PPP1R21: variants seen among roughly 807,000 people sequenced by gnomAD.
PPP1R21 encodes the protein protein phosphatase 1 regulatory subunit 21, also known as KLRAQ motif containing 1.
In PPP1R21, 85 loss-of-function variants were observed where a neutral mutation model predicts 112.8. The ratio of observed to expected loss-of-function variants is 0.75; its 90% CI spans 0.63 to 0.90. The LOEUF (loss-of-function observed/expected upper bound fraction) is 0.90. Ranked by LOEUF, PPP1R21 falls within the 40% of genes least tolerant of loss-of-function variation. The probability of loss-of-function intolerance (pLI) is 0.00; values close to 1 mark genes in which losing one functional copy is unlikely to be tolerated. For missense variants in PPP1R21, 1,199 were observed against 901.5 expected (o/e 1.33, Z -4.23); for synonymous variants, 381 against 322.3 (o/e 1.18, Z -1.95).
intron 1 of PPP1R21, among the ~76,000 whole-genome samples, chr2:48,446,210 A>G (rs1229903081): frequency 1.3e-5 from 2 of 152,240 alleles, no homozygotes; most frequent in African/African-American, 4.8e-5. Flanking sequence ...CACTTTCCCC[A>G]AAAACTCTTC....
At chr2:48,453,643 AC>A (rs1357196898) in intron 2 of PPP1R21, among the ~76,000 whole-genome samples, 1 of 152,214 alleles carries the variant, frequency 6.6e-6, no homozygotes. Context: ...CCATTTTCAT[AC>A]CCCATTATGG....
chr2:48,502,049 A>C (rs1670142087), intron 17 of PPP1R21: 1 of 152,174 alleles, frequency 6.6e-6, no homozygotes, highest in Non-Finnish European at 1.5e-5. Context: ...TGAGTTGTTA[A>C]TGTCAGTTGC....
chr2:48,459,709 T>A (rs1173154920), intron 4 of PPP1R21, 45 bp from the exon 5 acceptor site: 1 of 1,577,120 alleles, frequency 6.3e-7, no homozygotes, highest in East Asian at 2.2e-5. Flanking sequence ...CTCATTTATG[T>A]ATATTAGGAT....
chr2:48,454,650 G>C lies in PPP1R21; in HGVS notation c.182G>C (p.Ser61Thr), dbSNP rs373679922. The C allele has an allele frequency of 3.0e-5, 48 of 1,613,722 alleles. No individual in the cohort carries two copies. Among genetic ancestry groups the C allele is most frequent in the Non-Finnish European group, 4.1e-5 (48 of 1,179,716 alleles). Residue 61 changes from serine (S) to threonine (T), a missense_variant, in exon 3 of 22, where the codon AGT becomes ACT. Physicochemically the swap from Ser to Thr is moderately conservative, Grantham distance 58. Transcript: ENST00000294952. ...SLRKLQQEMD[S>T]LTFRNLQLAK... ...AGAAAACTACAACAGGAAATGGACAGTTTGACATTTCGAAATCTGCAGCTT... is the reference window on the plus strand; with the variant it reads ...AGAAAACTACAACAGGAAATGGACACTTTGACATTTCGAAATCTGCAGCTT...
chr2:48,483,662 A>T (rs1254151736), intron 13 of PPP1R21, among the ~76,000 whole-genome samples: 1 of 152,200 alleles, frequency 6.6e-6, no homozygotes, highest in East Asian at 1.9e-4. Flanking sequence ...CTTGTAATGC[A>T]CAATGAGAAA....
intron 15 of PPP1R21, among the ~76,000 whole-genome samples, chr2:48,493,744 A>C (rs1266514211): frequency 1.3e-5 from 2 of 152,080 alleles, no homozygotes; most frequent in Non-Finnish European, 2.9e-5. Context: ...TCTTTTCTCC[A>C]TTCAGTTAGA....
intron 2 of PPP1R21, among the ~76,000 whole-genome samples, chr2:48,451,791 CTT>C (rs146803946): frequency 0.019 from 2,878 of 152,314 alleles, 57 homozygotes; most frequent in African/African-American, 0.048. Flanking sequence ...CCTCTGCTCT[CTT>C]TAGACAGATG....
intron 13 of PPP1R21, among the ~76,000 whole-genome samples, chr2:48,482,450 G>A (rs1211658395): frequency 6.6e-6 from 1 of 152,156 alleles, no homozygotes; most frequent in East Asian, 1.9e-4. Flanking sequence ...TGCTCTGGAA[G>A]GAATGTGTAA....
At position 48,474,701 on chromosome 2, in the gene PPP1R21, A is replaced by G. The variant is rs1217887549; in HGVS notation, c.1107A>G (p.Glu369=). Residue 369 remains glutamate (E), a synonymous_variant, in exon 12 of 22, where the codon GAA becomes GAG. Transcript: ENST00000294952. ...YQLKSLEEEC[E]SSLCTSALRA... is the part of the protein sequence containing the mutation. ...TTCCTAGTTTAGAAGAAGAATGTGA[A>G]TCCTCTCTTTGCACATCTGCGTTAA... is the stretch of plus-strand genomic sequence containing the variant. 8 of 1,607,550 alleles carry G rather than the reference A, an allele frequency of 5.0e-6. No homozygotes were observed. The highest frequency in any genetic ancestry group is 2.2e-5 in the East Asian group (1 of 44,520).
At chr2:48,483,195 CTTTTTTTTTTTT>C (rs755036470) in intron 13 of PPP1R21, among the ~76,000 whole-genome samples, 3 of 80,914 alleles carry the variant, frequency 3.7e-5, no homozygotes, top group African/African-American at 1.5e-4. Context: ...CTTTTTTTTC[CTTTTTTTTTTTT>C]TTTTTTTTTT....
At chr2:48,493,011 C>CTTTTTTT (rs746795481) in intron 15 of PPP1R21, among the ~76,000 whole-genome samples, 23 of 96,660 alleles carry the variant, frequency 2.4e-4, no homozygotes, top group South Asian at 3.6e-4. Flanking sequence ...GGTCATTTAC[C>CTTTTTTT]TTTTTTTTTT....
chr2:48,459,305 AG>A (rs536021893), intron 4 of PPP1R21, among the ~76,000 whole-genome samples: 104 of 152,162 alleles, frequency 6.8e-4, no homozygotes, highest in Non-Finnish European at 7.6e-4. Context: ...TACAGGAAAG[AG>A]CTTTACCTGT....
chr2:48,478,712 A>C (rs1329778593), intron 12 of PPP1R21, among the ~76,000 whole-genome samples: 1 of 152,096 alleles, frequency 6.6e-6, no homozygotes, highest in East Asian at 1.9e-4. Flanking sequence ...CTTCTTAGCT[A>C]TTTCTGTTTC....
intron 12 of PPP1R21, among the ~76,000 whole-genome samples, chr2:48,477,212 C>T (rs1004435095): frequency 7.3e-5 from 11 of 150,936 alleles, no homozygotes; most frequent in African/African-American, 1.7e-4. Context: ...AACTGCCTCC[C>T]GGATTTAAGT....
intron 12 of PPP1R21, among the ~76,000 whole-genome samples, chr2:48,476,000 G>A (rs1345494088): frequency 2.0e-5 from 3 of 151,978 alleles, no homozygotes; most frequent in Non-Finnish European, 4.4e-5. Flanking sequence ...TTACAATTCA[G>A]TGGTTTTTAG....
chr2:48,497,690 C>G (rs771145251), intron 16 of PPP1R21, among the ~76,000 whole-genome samples: 1 of 141,186 alleles, frequency 7.1e-6, no homozygotes, highest in Non-Finnish European at 1.5e-5. Flanking sequence ...CTTACTCTGT[C>G]GCCCAGGCTG....
chr2:48,497,259 G>A (rs1572887743), intron 16 of PPP1R21, among the ~76,000 whole-genome samples: 1 of 152,266 alleles, frequency 6.6e-6, no homozygotes, highest in East Asian at 1.9e-4. Context: ...TTTGTTGATG[G>A]GGAAATACCC....
At chr2:48,508,358 A>G (rs1157599546) in intron 19 of PPP1R21, among the ~76,000 whole-genome samples, 1 of 152,188 alleles carries the variant, frequency 6.6e-6, no homozygotes, top group Non-Finnish European at 1.5e-5. Flanking sequence ...TTGAGACCTG[A>G]CTTTTTGATT....
chr2:48,455,932 G>A lies in PPP1R21; in HGVS notation c.273+1191G>A, dbSNP rs192170630. On this transcript the variant is annotated intron_variant, in intron 3 of 21. Coordinates refer to ENST00000294952, the MANE Select transcript of PPP1R21 (RefSeq NM_001135629.3). ...GGGGGAGCTGAGGCAGGAGAATGGC[G>A]TGAACCTGGGAGGCAGAGTTTGCAG... Among the ~76,000 whole-genome samples the A allele has an allele frequency of 4.1e-3, 616 of 151,184 alleles. 8 individuals carry two copies. The highest frequency in any genetic ancestry group is 0.014 in the African/African-American group (580 of 41,130).
Sources: allele counts gnomAD v4.1 joint callset (sites outside exome capture counted in the v4.1 genomes callset), GRCh38; gene constraint gnomAD v4.1.1; transcripts MANE v1.5; gene names NCBI Gene and HGNC (gene_info 2026-07-23, HGNC 2026-07-21).